The following ARHGAP22 variants were observed in gnomAD, a reference collection of about 807,000 sequenced individuals.
ARHGAP22 encodes the protein rho GTPase-activating protein 22.
Under a neutral mutation model 59.1 loss-of-function variants are expected in ARHGAP22, and 48 were observed. The ratio of observed to expected loss-of-function variants is 0.81; its 90% CI spans 0.64 to 1.03. The LOEUF is 1.03. Ranked by LOEUF, ARHGAP22 falls within the 50% of genes least tolerant of loss-of-function variation. The pLI is 0.00. For missense variants in ARHGAP22, 1,015 were observed against 958.7 expected, an observed-to-expected ratio of 1.06 and a Z score of -0.78; for synonymous variants, 445 against 416.4, an observed-to-expected ratio of 1.07 and a Z score of -0.84.
At chr10:48,453,725 C>T (rs1243157583) in intron 7 of ARHGAP22, among the ~76,000 whole-genome samples, 1 of 152,232 alleles carries the variant, frequency 6.6e-6, no homozygotes, top group East Asian at 1.9e-4. Flanking sequence ...CCAGTCAGCG[C>T]CGCCCCTGCA....
At chr10:48,473,571 G>T (rs553712639) in intron 4 of ARHGAP22, among the ~76,000 whole-genome samples, 3 of 148,648 alleles carry the variant, frequency 2.0e-5, no homozygotes, top group Non-Finnish European at 4.5e-5. Flanking sequence ...CTCAGAGAGC[G>T]CTGAGCACTT....
intron 1 of ARHGAP22, among the ~76,000 whole-genome samples, chr10:48,615,180 C>T (rs990454113): frequency 3.9e-5 from 6 of 152,170 alleles, no homozygotes; most frequent in African/African-American, 1.4e-4. Context: ...CTAAGGCCAA[C>T]CTCTAGACTC....
At chr10:48,505,858 C>T (rs1272414989) in intron 3 of ARHGAP22, among the ~76,000 whole-genome samples, 2 of 152,190 alleles carry the variant, frequency 1.3e-5, no homozygotes, top group African/African-American at 4.8e-5. Context: ...AGTGGCTTGA[C>T]AAATGGCAGA....
At chr10:48,508,298 C>T (rs2052370513) in intron 3 of ARHGAP22, among the ~76,000 whole-genome samples, 2 of 152,218 alleles carry the variant, frequency 1.3e-5, no homozygotes, top group South Asian at 4.1e-4. Context: ...CCATGTGTGC[C>T]TCATGACCAG....
chr10:48,566,612 C>T (rs1022248653), intron 2 of ARHGAP22, among the ~76,000 whole-genome samples: 7 of 152,210 alleles, frequency 4.6e-5, no homozygotes, highest in Non-Finnish European at 7.3e-5. Context: ...CACCTGTGAA[C>T]CTGTGAACTC....
At chr10:48,517,865 T>C (rs1318977608) in intron 3 of ARHGAP22, among the ~76,000 whole-genome samples, 1 of 152,104 alleles carries the variant, frequency 6.6e-6, no homozygotes, top group Non-Finnish European at 1.5e-5. Context: ...TTTCCCTCTT[T>C]CCAGATAAAG....
chr10:48,638,962 A>G (rs1447832322), intron 1 of ARHGAP22, among the ~76,000 whole-genome samples: 1 of 152,234 alleles, frequency 6.6e-6, no homozygotes, highest in Admixed American at 6.5e-5. Context: ...TGACATAAAC[A>G]ACCATTTCTG....
At chr10:48,537,847 G>C (rs2055522548) in intron 3 of ARHGAP22, among the ~76,000 whole-genome samples, 4 of 152,322 alleles carry the variant, frequency 2.6e-5, no homozygotes, top group Admixed American at 2.6e-4. Flanking sequence ...GCTAGGCAGA[G>C]AGGGGGTGCA....
At chr10:48,494,987 C>T (rs913410310) in intron 3 of ARHGAP22, among the ~76,000 whole-genome samples, 1 of 152,216 alleles carries the variant, frequency 6.6e-6, no homozygotes, top group African/African-American at 2.4e-5. Flanking sequence ...TGGGTGAGAG[C>T]CTTCGTCAAG....
intron 1 of ARHGAP22, among the ~76,000 whole-genome samples, chr10:48,651,854 A>G (rs893784197): frequency 2.0e-5 from 3 of 152,028 alleles, no homozygotes; most frequent in Non-Finnish European, 2.9e-5. Flanking sequence ...CCTTGGCTGG[A>G]TCCTTTCCAA....
At chr10:48,458,952 G>A (rs929377563) in intron 5 of ARHGAP22, among the ~76,000 whole-genome samples, 10 of 152,188 alleles carry the variant, frequency 6.6e-5, no homozygotes, top group African/African-American at 2.4e-4. Flanking sequence ...GAAGCCCTGG[G>A]AGGCCAGGGC....
intron 1 of ARHGAP22, among the ~76,000 whole-genome samples, chr10:48,610,307 C>T (rs576808531): frequency 2.6e-5 from 4 of 152,266 alleles, no homozygotes; most frequent in African/African-American, 7.2e-5. Flanking sequence ...GAATTAGGCA[C>T]TAGGAAACCA....
chr10:48,499,448 G>C (rs144836653), intron 3 of ARHGAP22, among the ~76,000 whole-genome samples: 152 of 152,340 alleles, frequency 1.0e-3, no homozygotes, highest in African/African-American at 3.4e-3. Flanking sequence ...AATATTCTTT[G>C]TTAAATGAGA....
chr10:48,449,574 G>A (rs141841654), intron 9 of ARHGAP22, among the ~76,000 whole-genome samples: 6 of 152,318 alleles, frequency 3.9e-5, no homozygotes, highest in Admixed American at 6.5e-5. Flanking sequence ...GCCAGCTAAC[G>A]GGGACCTGCA....
chr10:48,556,720 T>C (rs751420430), intron 2 of ARHGAP22: 2 of 152,242 alleles, frequency 1.3e-5, no homozygotes, highest in Non-Finnish European at 1.5e-5. Flanking sequence ...TTAGTACTGG[T>C]ACACAGTGAG....
intron 3 of ARHGAP22, among the ~76,000 whole-genome samples, chr10:48,527,423 G>A (rs1397386762): frequency 6.6e-6 from 1 of 152,024 alleles, no homozygotes; most frequent in Non-Finnish European, 1.5e-5. Context: ...ATGAATGGAT[G>A]GGTGGATGGA....
chr10:48,487,932 C>T (rs964850008), intron 3 of ARHGAP22, among the ~76,000 whole-genome samples: 1 of 152,132 alleles, frequency 6.6e-6, no homozygotes, highest in Non-Finnish European at 1.5e-5. Flanking sequence ...TAGCCAGGCA[C>T]GGCATGACCA....
rs1421929785 is a variant in ARHGAP22, at chr10:48,450,402, C to T, written c.1727G>A (p.Gly576Asp). ...LDHSMDEAGA[G>D]ASNSEPSEPD... ...CTCGCTGGGCTCGCTGTTGCTGGCA[C>T]CCGCGCCCGCCTCGTCCATGCTGTG... is the stretch of plus-strand genomic sequence containing the variant. The change falls in exon 9 of 10, where the codon GGT becomes GAT. Residue 576 changes from glycine to aspartate, a missense_variant. Transcript: ENST00000249601. 3 of 1,569,240 alleles carry T rather than the reference C, an allele frequency of 1.9e-6. No homozygotes were observed. The highest frequency in any genetic ancestry group is 2.6e-6 in the Non-Finnish European group (3 of 1,158,128).
At chr10:48,501,557 T>C (rs1169885129) in intron 3 of ARHGAP22, among the ~76,000 whole-genome samples, 1 of 152,236 alleles carries the variant, frequency 6.6e-6, no homozygotes, top group Non-Finnish European at 1.5e-5. Flanking sequence ...GATTTTGGTT[T>C]TGACAATCTC....
Sources: gnomAD v4.1 joint callset for allele counts (sites outside exome capture counted in the v4.1 genomes callset) on GRCh38, gnomAD v4.1.1 for gene constraint, MANE v1.5 for transcripts, NCBI Gene and HGNC (gene_info 2026-07-23, HGNC 2026-07-21) for gene names.